Variants in TRAPPC9 observed in about 807,000 individuals in gnomAD.
The protein encoded by TRAPPC9 is IKK2 binding protein.
In TRAPPC9, 83 loss-of-function variants were observed where a neutral mutation model predicts 124.0. That is an observed-to-expected ratio of 0.67 (90% CI 0.56 to 0.80). TRAPPC9 has a LOEUF of 0.80. Among genes scored for constraint, TRAPPC9 ranks in the 30% least tolerant of loss-of-function variants. TRAPPC9 has a pLI of 0.00. For missense variants in TRAPPC9, 1,302 were observed against 1,508.3 expected (o/e 0.86, Z 2.27); for synonymous variants, 638 against 617.5 (o/e 1.03, Z -0.49).
At chr8:139,978,141 G>A (rs1180077615) in intron 19 of TRAPPC9, among the ~76,000 whole-genome samples, 1 of 152,126 alleles carries the variant, frequency 6.6e-6, no homozygotes, top group Non-Finnish European at 1.5e-5. Context: ...GCCTCCCAAA[G>A]TGCTGGGATG....
At chr8:140,389,842 C>CAAAAAAAA (rs397971049) in intron 7 of TRAPPC9, among the ~76,000 whole-genome samples, 1 of 92,576 alleles carries the variant, frequency 1.1e-5, no homozygotes, top group African/African-American at 3.7e-5. Flanking sequence ...CAACAATAAC[C>CAAAAAAAA]AAAAAAAAAA....
At chr8:140,131,322 A>G (rs1412842093) in intron 17 of TRAPPC9, among the ~76,000 whole-genome samples, 3 of 152,230 alleles carry the variant, frequency 2.0e-5, no homozygotes, top group African/African-American at 7.2e-5. Flanking sequence ...GAAACATTAC[A>G]CTAAACTATA....
At chr8:139,891,416 C>T (rs1050956990) in intron 20 of TRAPPC9, among the ~76,000 whole-genome samples, 1 of 152,240 alleles carries the variant, frequency 6.6e-6, no homozygotes, top group African/African-American at 2.4e-5. Context: ...ACTTCACCCT[C>T]CCTACAGTCT....
At chr8:140,018,085 C>T (rs867210116) in intron 18 of TRAPPC9, among the ~76,000 whole-genome samples, 1 of 152,170 alleles carries the variant, frequency 6.6e-6, no homozygotes. Context: ...CCTTGTGATC[C>T]ACCTGCCTCG....
chr8:140,207,208 G>A (rs994708028), intron 17 of TRAPPC9, among the ~76,000 whole-genome samples: 2 of 152,162 alleles, frequency 1.3e-5, no homozygotes, highest in Admixed American at 6.5e-5. Context: ...GAAGTAACCC[G>A]TCCACTCTAA....
chr8:140,152,507 C>A (rs1308600288), intron 17 of TRAPPC9, among the ~76,000 whole-genome samples: 1 of 151,398 alleles, frequency 6.6e-6, no homozygotes, highest in Non-Finnish European at 1.5e-5. Flanking sequence ...ACTACAGGTG[C>A]CTGCCACCAC....
In TRAPPC9 at chr8:140,018,324, A is replaced by ATTTTTTCTTTTTTTTTTTTTTTT. The variant is rs765656679; in HGVS notation, c.2699+5612_2699+5613insAAAAAAAAAAAAAAAAGAAAAAA. Among the ~76,000 whole-genome samples, 6 of 119,784 alleles carry ATTTTTTCTTTTTTTTTTTTTTTT rather than the reference A, an allele frequency of 5.0e-5. 1 individual carries two copies. Among genetic ancestry groups the ATTTTTTCTTTTTTTTTTTTTTTT allele is most frequent in the African/African-American group, 1.6e-4 (5 of 30,694 alleles). 78.6% of individuals were successfully genotyped at this position (119,784 alleles called of 152,430 possible). A position where few individuals can be genotyped will look rare whatever the true frequency, so the allele number is the denominator to read the frequency against. ...TTGCTGGTATATAGAAACGTAAGTG[A>ATTTTTTCTTTTTTTTTTTTTTTT]TTTTTTTTTTTTTTTTTGAGACGGA... On this transcript the variant is annotated intron_variant, in intron 18 of 22. Coordinates refer to ENST00000438773, the MANE Select transcript of TRAPPC9 (RefSeq NM_001160372.4).
Position 139,910,315 on chromosome 8 carries a change from A to G in TRAPPC9, c.2811-15T>C, listed in dbSNP as rs755601645. The G allele has an allele frequency of 1.9e-6, 3 of 1,614,136 alleles. No homozygotes were observed. The South Asian group carries it at 3.3e-5, about 18-fold the overall frequency. On this transcript the variant is annotated splice_polypyrimidine_tract_variant and intron_variant, in intron 19 of 22. Transcript: ENST00000438773. Reference sequence around the variant, plus strand: ...GAATAGCCATTCTACGAGAAAGGGGAAAACACAGCAGAGAATTCATCAGTA... The same window carrying G: ...GAATAGCCATTCTACGAGAAAGGGGGAAACACAGCAGAGAATTCATCAGTA...
At chr8:140,128,050 C>T (rs1478474293) in intron 17 of TRAPPC9, among the ~76,000 whole-genome samples, 3 of 152,238 alleles carry the variant, frequency 2.0e-5, no homozygotes, top group Non-Finnish European at 4.4e-5. Context: ...GCTAAATTGG[C>T]TTTTCAGCCA....
intron 19 of TRAPPC9, among the ~76,000 whole-genome samples, chr8:139,980,876 G>A (rs1008451206): frequency 3.9e-5 from 6 of 152,136 alleles, no homozygotes; most frequent in Admixed American, 6.5e-5. Context: ...TTTCCCCACC[G>A]CAGAAGCCAC....
chr8:139,964,672 C>T (rs752061889), intron 19 of TRAPPC9, among the ~76,000 whole-genome samples: 1 of 148,492 alleles, frequency 6.7e-6, no homozygotes, highest in Non-Finnish European at 1.5e-5. Flanking sequence ...AGAACAGCAT[C>T]TCCAAGATGA....
intron 17 of TRAPPC9, among the ~76,000 whole-genome samples, chr8:140,126,229 C>A (rs558632195): frequency 6.6e-6 from 1 of 151,990 alleles, no homozygotes; most frequent in African/African-American, 2.4e-5. Context: ...CTCTCCAATG[C>A]GGGGTATCCA....
chr8:140,162,450 C>T (rs1230146680), intron 17 of TRAPPC9, among the ~76,000 whole-genome samples: 2 of 152,234 alleles, frequency 1.3e-5, no homozygotes, highest in Non-Finnish European at 1.5e-5. Flanking sequence ...GCCTTAAGGA[C>T]AGTACCTATC....
At chr8:139,903,293 C>G (rs1480832173) in intron 20 of TRAPPC9, among the ~76,000 whole-genome samples, 1 of 152,152 alleles carries the variant, frequency 6.6e-6, no homozygotes, top group Non-Finnish European at 1.5e-5. Context: ...CTCAAAGCAG[C>G]CAAATTGGTT....
At chr8:140,177,035 T>C (rs1006756131) in intron 17 of TRAPPC9, among the ~76,000 whole-genome samples, 1 of 152,234 alleles carries the variant, frequency 6.6e-6, no homozygotes, top group African/African-American at 2.4e-5. Context: ...TTTATGTCTA[T>C]TCTGGATACA....
chr8:140,230,857 G>T (rs1217421882), intron 16 of TRAPPC9, among the ~76,000 whole-genome samples: 1 of 152,182 alleles, frequency 6.6e-6, no homozygotes, highest in Non-Finnish European at 1.5e-5. Context: ...TGTGAGCACT[G>T]GGGATCGGTC....
At chr8:139,769,179 C>T (rs984540865) in intron 21 of TRAPPC9, among the ~76,000 whole-genome samples, 2 of 152,258 alleles carry the variant, frequency 1.3e-5, no homozygotes, top group Admixed American at 6.5e-5. Context: ...CAGTGGACGG[C>T]TGAAACCTCA....
chr8:140,456,205 C>G (rs1278651161), intron 1 of TRAPPC9, among the ~76,000 whole-genome samples: 1 of 152,014 alleles, frequency 6.6e-6, no homozygotes, highest in African/African-American at 2.4e-5. Context: ...GTCAGGAGTT[C>G]GAGAGCAGCC....
intron 17 of TRAPPC9, among the ~76,000 whole-genome samples, chr8:140,199,508 AC>A (rs2062741813): frequency 6.6e-6 from 1 of 150,464 alleles, no homozygotes; most frequent in African/African-American, 2.5e-5. Flanking sequence ...AGGGCCATCT[AC>A]GCCCCCAGAG....
Sources: gnomAD v4.1 joint callset for allele counts (sites outside exome capture counted in the v4.1 genomes callset) on GRCh38, gnomAD v4.1.1 for gene constraint, MANE v1.5 for transcripts, NCBI Gene and HGNC (gene_info 2026-07-23, HGNC 2026-07-21) for gene names.